Variants in VPS16 observed in about 807,000 individuals in gnomAD.
The protein encoded by VPS16 is vacuolar protein sorting-associated protein 16 homolog.
A neutral mutation model predicts 116.0 loss-of-function variants in VPS16; 82 were observed. The ratio of observed to expected loss-of-function variants is 0.71; its 90% CI spans 0.59 to 0.85. The LOEUF is 0.85. Ranked by LOEUF, VPS16 falls within the 40% of genes least tolerant of loss-of-function variation. The pLI is 0.00. For missense variants in VPS16, 928 were observed against 1,090.6 expected, an observed-to-expected ratio of 0.85 and a Z score of 2.10; for synonymous variants, 406 against 420.7, an observed-to-expected ratio of 0.96 and a Z score of 0.43.
chr20:2,864,787 C>G lies in VPS16; in HGVS notation c.1926+133C>G. ...GTCCTCACTGTGAGGGAGACTCTGA[C>G]GTGAGGCCAGGATGGGGGTTAGTGT... On this transcript the variant is annotated intron_variant, in intron 19 of 23. Coordinates refer to ENST00000380445, the MANE Select transcript of VPS16 (RefSeq NM_022575.4). This position sits in a 1 kb window ranked among gnomAD's most constrained non-coding sequence, Gnocchi z 5.2. The G allele has an allele frequency of 8.6e-7, 1 of 1,169,544 alleles. No homozygotes were observed. The highest frequency in any genetic ancestry group is 1.2e-6 in the Non-Finnish European group (1 of 809,830). 72.4% of individuals were successfully genotyped at this position (1,169,544 alleles called of 1,614,324 possible). A position where few individuals can be genotyped will look rare whatever the true frequency, so the allele number is the denominator to read the frequency against.
In VPS16 at chr20:2,845,931, T is replaced by A. The variant is rs1358268309; in HGVS notation, c.53+5104T>A. Among the ~76,000 whole-genome samples the A allele has an allele frequency of 2.0e-5, 3 of 152,180 alleles. No individual in the cohort carries two copies. The East Asian group carries it at 5.8e-4, about 29-fold the overall frequency. On this transcript the variant is annotated intron_variant, in intron 1 of 23. Transcript: ENST00000380445. ...TTCAAGATTTATCCATGTTATAGCA[T>A]GTGTCAGAATTTTCTTCCTTTTCGA...
intron 1 of VPS16, 39 bp downstream of exon 1, chr20:2,840,866 C>T: frequency 6.7e-7 from 1 of 1,502,924 alleles, no homozygotes; most frequent in Non-Finnish European, 9.0e-7. Context: ...CCTGGCTTAC[C>T]CTGCTCGCCC....
chr20:2,864,340 C>T lies in VPS16; in HGVS notation c.1721-25C>T. The T allele has an allele frequency of 6.2e-7, 1 of 1,614,066 alleles. No individual in the cohort carries two copies. The highest frequency in any genetic ancestry group is 8.5e-7 in the Non-Finnish European group (1 of 1,179,984). On this transcript the variant is annotated intron_variant, in intron 17 of 23. Coordinates refer to ENST00000380445, the MANE Select transcript of VPS16 (RefSeq NM_022575.4). This position sits in a 1 kb window ranked among gnomAD's most constrained non-coding sequence, Gnocchi z 5.2. Reference sequence around the variant, plus strand: ...GCTAAGTGGGAGCCTGGCTGGAATTCCCACTCCACCTTACTCTCCTGCAGT... The same window carrying T: ...GCTAAGTGGGAGCCTGGCTGGAATTTCCACTCCACCTTACTCTCCTGCAGT...
At chr20:2,861,974 C>A in intron 10 of VPS16, 75 bp downstream of exon 10, 2 of 1,605,490 alleles carry the variant, frequency 1.2e-6, no homozygotes, top group Non-Finnish European at 8.5e-7. Flanking sequence ...GGGCCAGTGC[C>A]ACAGAGCAGG....
chr20:2,862,029 C>A (rs2089233905), intron 10 of VPS16, 25 bp from the exon 11 acceptor site: 1 of 1,612,772 alleles, frequency 6.2e-7, no homozygotes, highest in African/African-American at 1.3e-5. Flanking sequence ...GCCTTTCTCC[C>A]TCACTCACCA....
In VPS16 at chr20:2,840,855, G is replaced by T. The variant is rs769783495; in HGVS notation, c.53+28G>T. On this transcript the variant is annotated intron_variant, in intron 1 of 23. Coordinates refer to ENST00000380445, the MANE Select transcript of VPS16 (RefSeq NM_022575.4). ...GAGCTGCCCCGCCCTCCCGCCCACG[G>T]CCTGGCTTACCCTGCTCGCCCGCCG... 19 of 1,245,602 alleles carry T rather than the reference G, an allele frequency of 1.5e-5. No homozygotes were observed. The South Asian group carries it at 1.9e-4, about 13-fold the overall frequency. 77.2% of individuals were successfully genotyped at this position (1,245,602 alleles called of 1,614,324 possible).
At position 2,861,675 on chromosome 20, in the gene VPS16, G is replaced by A; in HGVS notation, c.870G>A (p.Met290Ile). ...TGGTGGCCTGGGAAAGGCGGCTGAT[G>A]GTGGTGGGCGATGCACCCGAGAGCA... ...AVVVAWERRLMVVGDAPESIQ... is the reference protein window; with the variant it reads ...AVVVAWERRLIVVGDAPESIQ... Residue 290 changes from methionine (M) to isoleucine (I), a missense_variant, in exon 9 of 24, where the codon ATG becomes ATA. Transcript: ENST00000380445. 6.2e-7 allele frequency: 1 copy of A among 1,613,286 alleles called. No individual in the cohort carries two copies.
In VPS16 at chr20:2,861,654, G is replaced by A. The variant is rs1415348562; in HGVS notation, c.849G>A (p.Val283=). 1.9e-6 allele frequency: 3 copies of A among 1,613,240 alleles called. No homozygotes were observed. The Admixed American group carries it at 5.0e-5, about 27-fold the overall frequency. The change falls in exon 9 of 24, where the codon GTG becomes GTA. Residue 283 remains valine, a synonymous_variant. Coordinates refer to ENST00000380445, the MANE Select transcript of VPS16 (RefSeq NM_022575.4). The part of the protein sequence containing the change: ...RPRSKERAVV[V]AWERRLMVVG... ...GTAGCAAGGAGAGGGCCGTGGTGGT[G>A]GCCTGGGAAAGGCGGCTGATGGTGG... is the stretch of plus-strand genomic sequence containing the variant.
Position 2,864,516 on chromosome 20 carries a change from T to C in VPS16, c.1819-31T>C. On this transcript the variant is annotated intron_variant, in intron 18 of 23. Transcript: ENST00000380445. The surrounding 1 kb of genome is among the most constrained non-coding windows in gnomAD (Gnocchi z 5.2). ...AGCCTTCTGAGCACTTGAGTTGGCC[T>C]TGCTGACTGATTGCCTGCCTGTGGC... 6.2e-7 allele frequency: 1 copy of C among 1,614,090 alleles called. No individual in the cohort carries two copies. The highest frequency in any genetic ancestry group is 1.1e-5 in the South Asian group (1 of 91,082).
rs1413102553 is a variant in VPS16 at position 2,865,338 on chromosome 20, C to A, written c.2174+21C>A. 1.2e-6 allele frequency: 2 copies of A among 1,614,078 alleles called. No homozygotes were observed. The highest frequency in any genetic ancestry group is 4.5e-5 in the East Asian group (2 of 44,892). ...AAGAGGTAGGTGAGGGCCCAGGCTG[C>A]ATGTGGGTCCCAGGACCACCTGCCT... On this transcript the variant is annotated intron_variant, in intron 21 of 23. Transcript: ENST00000380445. The surrounding 1 kb of genome is among the most constrained non-coding windows in gnomAD (Gnocchi z 5.2).
rs886427184 is a variant in VPS16 at position 2,864,827 on chromosome 20, A to G, written c.1927-151A>G. On this transcript the variant is annotated intron_variant, in intron 19 of 23. Transcript: ENST00000380445. The surrounding 1 kb of genome is among the most constrained non-coding windows in gnomAD (Gnocchi z 5.2). The stretch of plus-strand genomic sequence containing the variant: ...GGGGTTAGTGTCAGAGGAGCTAGCC[A>G]TCCCTCTAGGACATCAGAGTGGTGC... 3.4e-6 allele frequency: 4 copies of G among 1,180,610 alleles called. No homozygotes were observed. The highest frequency in any genetic ancestry group is 1.5e-5 in the African/African-American group (1 of 66,294). The allele number at this position is 1,180,610 out of a possible 1,614,324, so 73.1% of individuals were successfully genotyped here.
rs749504897 is a variant in VPS16 at position 2,863,972 on chromosome 20, T to C, written c.1500T>C (p.Asp500=). 5 of 1,613,834 alleles carry C rather than the reference T, an allele frequency of 3.1e-6. No individual in the cohort carries two copies. The highest frequency in any genetic ancestry group is 4.2e-6 in the Non-Finnish European group (5 of 1,179,888). ...CYKVQQKDVS[D]EDVARAINQK... is the part of the protein sequence containing the mutation. ...AGGTGCAACAGAAGGATGTCTCAGATGAGGATGTGGCTCGAGCCATTAACC... is the reference window on the plus strand; with the variant it reads ...AGGTGCAACAGAAGGATGTCTCAGACGAGGATGTGGCTCGAGCCATTAACC... The change falls in exon 16 of 24, where the codon GAT becomes GAC. Residue 500 remains aspartate, a synonymous_variant. Transcript: ENST00000380445. This position sits in a 1 kb window ranked among gnomAD's most constrained non-coding sequence, Gnocchi z 4.4.
intron 1 of VPS16, among the ~76,000 whole-genome samples, chr20:2,843,129 C>T (rs182284835): frequency 1.3e-5 from 2 of 152,244 alleles, no homozygotes; most frequent in Non-Finnish European, 2.9e-5. Context: ...ATAATTCTCT[C>T]TTAGAAATAT....
At position 2,860,152 on chromosome 20, in the gene VPS16, G is replaced by T; in HGVS notation, c.240+1G>T. 6.2e-7 allele frequency: 1 copy of T among 1,614,104 alleles called. No individual in the cohort carries two copies. Among genetic ancestry groups the T allele is most frequent in the Non-Finnish European group, 8.5e-7 (1 of 1,180,032 alleles). On this transcript the variant is annotated splice_donor_variant, in intron 3 of 23. Transcript: ENST00000380445. LOFTEE classifies it high-confidence loss of function. This position sits in a 1 kb window ranked among gnomAD's most constrained non-coding sequence, Gnocchi z 6.1. Reference sequence around the variant, plus strand: ...CGGCATGCCTCTGGCCAGCCTGCTGGTGAGCACTTCTGATGGTCCCTGGGG... The same window carrying T: ...CGGCATGCCTCTGGCCAGCCTGCTGTTGAGCACTTCTGATGGTCCCTGGGG...
At chr20:2,859,990 G>T in intron 2 of VPS16, 64 bp from the exon 3 acceptor site, 1 of 1,598,144 alleles carries the variant, frequency 6.3e-7, no homozygotes, top group South Asian at 1.1e-5. Flanking sequence ...GCCAGGATGT[G>T]AGGCCTGCTT....
chr20:2,862,250 G>T, intron 11 of VPS16, 120 bp downstream of exon 11: 1 of 1,210,358 alleles, frequency 8.3e-7, no homozygotes, highest in Non-Finnish European at 1.1e-6. Context: ...CACTGGTCTG[G>T]GCTGGGGAGG....
At position 2,863,487 on chromosome 20, in the gene VPS16, G is replaced by C. The variant is rs951607853; in HGVS notation, c.1476+89G>C. 28 of 1,338,024 alleles carry C rather than the reference G, an allele frequency of 2.1e-5. No individual in the cohort carries two copies. The highest frequency in any genetic ancestry group is 3.0e-5 in the Non-Finnish European group (28 of 947,762). The allele number at this position is 1,338,024 out of a possible 1,614,324, so 82.9% of individuals were successfully genotyped here. A position where few individuals can be genotyped will look rare whatever the true frequency, so the allele number is the denominator to read the frequency against. ...AATAGAAAGTGTAGAACTGCGCTGG[G>C]CACGGTGGCTCATGCCTGTAATCCC... On this transcript the variant is annotated intron_variant, in intron 15 of 23. Coordinates refer to ENST00000380445, the MANE Select transcript of VPS16 (RefSeq NM_022575.4). The surrounding 1 kb of genome is among the most constrained non-coding windows in gnomAD (Gnocchi z 4.4).
chr20:2,864,420 G>T lies in VPS16; in HGVS notation c.1776G>T (p.Met592Ile). Residue 592 changes from methionine (M) to isoleucine (I), a missense_variant, in exon 18 of 24, where the codon ATG becomes ATT. Transcript: ENST00000380445. The surrounding 1 kb of genome is among the most constrained non-coding windows in gnomAD (Gnocchi z 5.2). Reference sequence around the variant, plus strand: ...AGCTGAACCGAGGAGATTTTTTCATGACCCTTCGGAATCAGCCCATGGCCC... The same window carrying T: ...AGCTGAACCGAGGAGATTTTTTCATTACCCTTCGGAATCAGCCCATGGCCC... ...KNELNRGDFF[M>I]TLRNQPMALS... The T allele has an allele frequency of 6.2e-7, 1 of 1,614,112 alleles. No individual in the cohort carries two copies. The highest frequency in any genetic ancestry group is 1.1e-5 in the South Asian group (1 of 91,046).
chr20:2,864,275 G>A lies in VPS16; in HGVS notation c.1708G>A (p.Asp570Asn), dbSNP rs894097519. 6.2e-7 allele frequency: 1 copy of A among 1,614,220 alleles called. No homozygotes were observed. The highest frequency in any genetic ancestry group is 2.2e-5 in the East Asian group (1 of 44,886). Residue 570 changes from aspartate (D) to asparagine (N), a missense_variant, in exon 17 of 24, where the codon GAC (aspartate) becomes AAC (asparagine). Asp to Asn is a conservative substitution (Grantham distance 23). Transcript: ENST00000380445. The surrounding 1 kb of genome is among the most constrained non-coding windows in gnomAD (Gnocchi z 5.2). ...LALSKAIESG[D>N]TDLVFTVLLH... ...ACTAAGCAAGGCCATCGAGAGCGGG[G>A]ACACTGACCTGGGTGAGGGCAAGGC...
Sources: allele counts gnomAD v4.1 joint callset (sites outside exome capture counted in the v4.1 genomes callset), GRCh38; gene constraint gnomAD v4.1.1; non-coding constraint Gnocchi (gnomAD v3.1); transcripts MANE v1.5; gene names NCBI Gene and HGNC (gene_info 2026-07-23, HGNC 2026-07-21).